Variants in PCYT1A observed in about 807,000 individuals in gnomAD.
PCYT1A encodes the protein phosphate cytidylyltransferase 1A, choline.
A neutral mutation model predicts 43.7 loss-of-function variants in PCYT1A; 25 were observed. The ratio of observed to expected loss-of-function variants is 0.57; its 90% CI spans 0.42 to 0.80. The LOEUF is 0.80. Ranked by LOEUF, PCYT1A falls within the 30% of genes least tolerant of loss-of-function variation. The pLI, the probability that PCYT1A is intolerant of heterozygous loss-of-function variation, is 0.00. For synonymous variants in PCYT1A, 172 were observed against 170.7 expected, an observed-to-expected ratio of 1.01 and a Z score of -0.06; for missense variants, 421 against 474.2, an observed-to-expected ratio of 0.89 and a Z score of 1.04.
rs1336636089 is a variant in PCYT1A at position 196,237,442 on chromosome 3, C to T, written c.*1246G>A. ...GCGTGTGTGAAAAGTGGGGAGAAAA[C>T]CTACCACACTCTTGTCACGTGAGGG... On this transcript the variant is annotated 3_prime_UTR_variant, in exon 9 of 9. Coordinates refer to ENST00000431016, the MANE Select transcript of PCYT1A (RefSeq NM_001312673.2). 1 of 152,198 alleles carries T rather than the reference C, an allele frequency of 6.6e-6. No homozygotes were observed. The highest frequency in any genetic ancestry group is 6.5e-5 in the Admixed American group (1 of 15,280). 9.4% of individuals were successfully genotyped at this position (152,198 alleles called of 1,614,324 possible).
Position 196,238,722 on chromosome 3 carries a change from G to A in PCYT1A, c.1070C>T (p.Ala357Val), listed in dbSNP as rs1724252716. ...SPANLSRHKA[A>V]AYDISEDEED Reference sequence around the variant, plus strand: ...TTCATCCTCACTGATATCATAGGCTGCAGCCTTGTGCCTGGAGAGATTTGC... The same window carrying A: ...TTCATCCTCACTGATATCATAGGCTACAGCCTTGTGCCTGGAGAGATTTGC... The change falls in exon 9 of 9, where the codon GCA becomes GTA. Residue 357 changes from alanine to valine, a missense_variant. Physicochemically the swap from Ala to Val is moderately conservative, Grantham distance 64 (BLOSUM62 0). Coordinates refer to ENST00000431016, the MANE Select transcript of PCYT1A (RefSeq NM_001312673.2). 1 of 1,586,024 alleles carries A rather than the reference G, an allele frequency of 6.3e-7. No individual in the cohort carries two copies. The highest frequency in any genetic ancestry group is 1.7e-4 in the Middle Eastern group (1 of 5,972).
chr3:196,247,324 G>A lies in PCYT1A; in HGVS notation c.486+43C>T. On this transcript the variant is annotated intron_variant, in intron 5 of 8. Coordinates refer to ENST00000431016, the MANE Select transcript of PCYT1A (RefSeq NM_001312673.2). The surrounding 1 kb of genome is among the most constrained non-coding windows in gnomAD (Gnocchi z 4.8). ...GTGCCAGCAGCTTTGAGAGTTGAGG[G>A]GATTCTGAAACAAGGAATGGGAATA... 2 of 1,603,970 alleles carry A rather than the reference G, an allele frequency of 1.2e-6. No homozygotes were observed. Among genetic ancestry groups the A allele is most frequent in the Admixed American group, 1.7e-5 (1 of 59,866 alleles).
At chr3:196,257,643 T>C (rs1724987822) in intron 3 of PCYT1A, 145 bp downstream of exon 3, 1 of 563,396 alleles carries the variant, frequency 1.8e-6, no homozygotes, top group Middle Eastern at 4.8e-4. Context: ...AAATAGAACA[T>C]CAAGACAGGT....
intron 5 of PCYT1A, among the ~76,000 whole-genome samples, chr3:196,245,825 C>G (rs1223110863): frequency 6.6e-6 from 1 of 152,064 alleles, no homozygotes; most frequent in Non-Finnish European, 1.5e-5. Flanking sequence ...GTGGCGCGCA[C>G]CTGTAATCCC....
chr3:196,256,229 C>A (rs1198455846), intron 3 of PCYT1A, among the ~76,000 whole-genome samples: 1 of 152,234 alleles, frequency 6.6e-6, no homozygotes, highest in African/African-American at 2.4e-5. Context: ...CGGTGGCTCA[C>A]GCCTGCAATC....
chr3:196,273,761 C>T lies in PCYT1A; in HGVS notation c.-10-3220G>A, dbSNP rs751530036. Among the ~76,000 whole-genome samples the T allele has an allele frequency of 2.0e-5, 3 of 152,208 alleles. No homozygotes were observed. Among genetic ancestry groups the T allele is most frequent in the Non-Finnish European group, 4.4e-5 (3 of 68,036 alleles). On this transcript the variant is annotated intron_variant, in intron 1 of 8. Transcript: ENST00000431016. This position sits in a 1 kb window ranked among gnomAD's most constrained non-coding sequence, Gnocchi z 4.1. Reference sequence around the variant, plus strand: ...GCATGCTGATTGGTCCATGGGCAGCCACAGGCAGCCCGGAAAAAGCATCGT... The same window carrying T: ...GCATGCTGATTGGTCCATGGGCAGCTACAGGCAGCCCGGAAAAAGCATCGT...
At position 196,241,767 on chromosome 3, in the gene PCYT1A, G is replaced by A. The variant is rs1332832483; in HGVS notation, c.708+181C>T. 1.0e-5 allele frequency: 12 copies of A among 1,188,110 alleles called. No homozygotes were observed. The East Asian group carries it at 2.1e-4, about 20-fold the overall frequency. The allele number at this position is 1,188,110 out of a possible 1,614,324, so 73.6% of individuals were successfully genotyped here. On this transcript the variant is annotated intron_variant, in intron 7 of 8. Coordinates refer to ENST00000431016, the MANE Select transcript of PCYT1A (RefSeq NM_001312673.2). The stretch of plus-strand genomic sequence containing the variant: ...TATACGAATGTGTTGGTACCAGACC[G>A]TAACGGCAGAAACTGTCTGTTTCAT...
At chr3:196,274,351 A>G (rs1725526912) in intron 1 of PCYT1A, among the ~76,000 whole-genome samples, 1 of 152,172 alleles carries the variant, frequency 6.6e-6, no homozygotes, top group African/African-American at 2.4e-5. Flanking sequence ...AGCACAGACC[A>G]TGCCTCCCCG....
rs1553828030 is a variant in PCYT1A at position 196,238,448 on chromosome 3, G to GGC, written c.*239_*240insGC. The GGC allele has an allele frequency of 4.7e-4, 169 of 361,400 alleles. No homozygotes were observed. The highest frequency in any genetic ancestry group is 3.5e-3 in the African/African-American group (166 of 47,946). The allele number at this position is 361,400 out of a possible 1,614,324, so 22.4% of individuals were successfully genotyped here. On this transcript the variant is annotated 3_prime_UTR_variant, in exon 9 of 9. Transcript: ENST00000431016. ...TAAACAGTGAAACAAAGCCCTTGGG[G>GGC]GGGGGTAAATGGATGCAGAGCAGGC...
intron 2 of PCYT1A, among the ~76,000 whole-genome samples, chr3:196,270,104 T>TC (rs1286157120): frequency 6.6e-6 from 1 of 152,118 alleles, no homozygotes; most frequent in African/African-American, 2.4e-5. Context: ...CCTCAGGTGA[T>TC]CCTCCCACCT....
chr3:196,282,445 T>G lies in PCYT1A; in HGVS notation c.-11+5170A>C, dbSNP rs1560180137. On this transcript the variant is annotated intron_variant, in intron 1 of 8. Transcript: ENST00000431016. This position sits in a 1 kb window ranked among gnomAD's most constrained non-coding sequence, Gnocchi z 4.3. ...GGTCTATGATAGAATTCAGGAAGTC[T>G]GTGAATTTGGATGAAAAAGACTGTA... Among the ~76,000 whole-genome samples the G allele has an allele frequency of 6.6e-6, 1 of 152,234 alleles. No homozygotes were observed. Among genetic ancestry groups the G allele is most frequent in the Admixed American group, 6.5e-5 (1 of 15,278 alleles).
chr3:196,262,090 A>C (rs1183376918), intron 2 of PCYT1A, among the ~76,000 whole-genome samples: 1 of 152,230 alleles, frequency 6.6e-6, no homozygotes, highest in Non-Finnish European at 1.5e-5. Flanking sequence ...TTATAAAAGT[A>C]GGACTAAATA....
Position 196,242,597 on chromosome 3 carries a change from CCAG to C in PCYT1A, c.527_529del (p.Ala176del). 6.2e-7 allele frequency: 1 copy of C among 1,612,326 alleles called. No homozygotes were observed. The highest frequency in any genetic ancestry group is 8.5e-7 in the Non-Finnish European group (1 of 1,178,382). ...GATGTGCTTATAAACATCATCACTGCCAGCAGATGAATAAGGAATATCATCATG... is the reference window on the plus strand; with the variant it reads ...GATGTGCTTATAAACATCATCACTGCCAGATGAATAAGGAATATCATCATG... On this transcript the variant is annotated inframe_deletion, in exon 6 of 9. Transcript: ENST00000431016. This position sits in a 1 kb window ranked among gnomAD's most constrained non-coding sequence, Gnocchi z 4.2.
Position 196,247,280 on chromosome 3 carries a change from T to C in PCYT1A, c.486+87A>G. The C allele has an allele frequency of 7.3e-7, 1 of 1,368,284 alleles. No homozygotes were observed. The highest frequency in any genetic ancestry group is 1.0e-6 in the Non-Finnish European group (1 of 970,840). The allele number at this position is 1,368,284 out of a possible 1,614,324, so 84.8% of individuals were successfully genotyped here. A position where few individuals can be genotyped will look rare whatever the true frequency, so the allele number is the denominator to read the frequency against. On this transcript the variant is annotated intron_variant, in intron 5 of 8. Transcript: ENST00000431016. This position sits in a 1 kb window ranked among gnomAD's most constrained non-coding sequence, Gnocchi z 4.8. Reference sequence around the variant, plus strand: ...ATAAGAGGTAGAAGTAAAACACGGCTAGTGGAAAACCAGCCTACGTGCCAG... The same window carrying C: ...ATAAGAGGTAGAAGTAAAACACGGCCAGTGGAAAACCAGCCTACGTGCCAG...
At chr3:196,256,351 G>C (rs865823924) in intron 3 of PCYT1A, among the ~76,000 whole-genome samples, 1 of 151,946 alleles carries the variant, frequency 6.6e-6, no homozygotes, top group African/African-American at 2.4e-5. Flanking sequence ...TTAGCCAGGC[G>C]TGGTGGTGCA....
chr3:196,245,845 G>T (rs1158890770), intron 5 of PCYT1A, among the ~76,000 whole-genome samples: 2 of 151,956 alleles, frequency 1.3e-5, no homozygotes, highest in African/African-American at 2.4e-5. Context: ...CAGCTACTCG[G>T]GAGGCTGAGG....
At chr3:196,280,561 A>C (rs1405145343) in intron 1 of PCYT1A, among the ~76,000 whole-genome samples, 1 of 76,348 alleles carries the variant, frequency 1.3e-5, no homozygotes, top group African/African-American at 4.8e-5. Flanking sequence ...TTGTATTGGT[A>C]TTTTTATTGT....
In PCYT1A at chr3:196,268,122, AT is replaced by A. The variant is rs112248235; in HGVS notation, c.117+2292del. ...TAAAGCATTAAGACTCCCCAGAAGA[AT>A]TTAAAAAAAAAAAAGATTCCCAGAG... On this transcript the variant is annotated intron_variant, in intron 2 of 8. Transcript: ENST00000431016. This position sits in a 1 kb window ranked among gnomAD's most constrained non-coding sequence, Gnocchi z 4.4. Among the ~76,000 whole-genome samples the A allele has an allele frequency of 0.087, 13,158 of 150,390 alleles. 741 individuals carry two copies. The highest frequency in any genetic ancestry group is 0.14 in the African/African-American group (5,906 of 40,940).
chr3:196,277,949 G>T lies in PCYT1A; in HGVS notation c.-10-7408C>A, dbSNP rs1030861665. Among the ~76,000 whole-genome samples the T allele has an allele frequency of 6.6e-6, 1 of 152,002 alleles. No individual in the cohort carries two copies. Among genetic ancestry groups the T allele is most frequent in the Non-Finnish European group, 1.5e-5 (1 of 68,004 alleles). ...TTTCATTTTTTCCCGGCCTTCTTAT[G>T]CCATCCCAATGTTCTCTCACATCTA... is the stretch of plus-strand genomic sequence containing the variant. On this transcript the variant is annotated intron_variant, in intron 1 of 8. Coordinates refer to ENST00000431016, the MANE Select transcript of PCYT1A (RefSeq NM_001312673.2). The surrounding 1 kb of genome is among the most constrained non-coding windows in gnomAD (Gnocchi z 4.1).
Sources: gnomAD v4.1 joint callset for allele counts (sites outside exome capture counted in the v4.1 genomes callset) on GRCh38, gnomAD v4.1.1 for gene constraint, Gnocchi (gnomAD v3.1) non-coding constraint, MANE v1.5 for transcripts, NCBI Gene and HGNC (gene_info 2026-07-23, HGNC 2026-07-21) for gene names.